Variants in TRIO observed in about 807,000 individuals in gnomAD.
TRIO encodes trio Rho guanine nucleotide exchange factor.
A neutral mutation model predicts 351.9 loss-of-function variants in TRIO; 58 were observed. That is an observed-to-expected ratio of 0.16 (90% CI 0.13 to 0.21). TRIO has a LOEUF of 0.21. Ranked by LOEUF, TRIO falls within the 10% of genes least tolerant of loss-of-function variation. The pLI is 1.00. For synonymous variants in TRIO, 1,758 were observed against 1,595.7 expected (o/e 1.10, Z -2.42); for missense variants, 3,201 against 4,027.8 (o/e 0.79, Z 5.56).
chr5:14,411,017 C>T (rs1050849407), intron 33 of TRIO, among the ~76,000 whole-genome samples: 2 of 152,192 alleles, frequency 1.3e-5, no homozygotes, highest in Non-Finnish European at 2.9e-5. Flanking sequence ...AGAAATCAAG[C>T]GCTTTCCAGA....
At chr5:14,154,146 C>G (rs1364609833) in intron 1 of TRIO, among the ~76,000 whole-genome samples, 1 of 152,108 alleles carries the variant, frequency 6.6e-6, no homozygotes, top group African/African-American at 2.4e-5. Context: ...AATCTTGGCC[C>G]TCTGTTTTCT....
In TRIO at chr5:14,482,667, G is replaced by T; in HGVS notation, c.6551G>T (p.Arg2184Ile). ...GATGCAGGACTTCTGCCTCGCTGCA[G>T]AGAGAGGCGCATCTTCCTCTTTGAG... ...DQDAGLLPRC[R>I]ERRIFLFEQI... Residue 2184 changes from arginine (R) to isoleucine (I), a missense_variant, in exon 46 of 57, where the codon AGA becomes ATA. Arg to Ile is a moderately conservative substitution (Grantham distance 97, BLOSUM62 -3). This residue lies in a region of TRIO where 1,089 missense variants were observed against 954.9 expected (regional missense o/e 1.14). Coordinates refer to ENST00000344204, the MANE Select transcript of TRIO (RefSeq NM_007118.4). 1 of 1,610,894 alleles carries T rather than the reference G, an allele frequency of 6.2e-7. No homozygotes were observed. The highest frequency in any genetic ancestry group is 1.1e-5 in the South Asian group (1 of 90,724).
At chr5:14,488,445 C>A in intron 48 of TRIO, 185 bp downstream of exon 48, 1 of 811,486 alleles carries the variant, frequency 1.2e-6, no homozygotes, top group Non-Finnish European at 1.9e-6. Flanking sequence ...CTACTCCTTG[C>A]TTTGTTCGTG....
chr5:14,481,717 A>C, intron 45 of TRIO, 99 bp downstream of exon 45: 1 of 1,152,708 alleles, frequency 8.7e-7, no homozygotes, highest in Non-Finnish European at 1.2e-6. Flanking sequence ...GATCCTTTTC[A>C]CTTGGTTTTC....
At chr5:14,376,340 T>C (rs961716287) in intron 19 of TRIO, among the ~76,000 whole-genome samples, 2 of 152,210 alleles carry the variant, frequency 1.3e-5, no homozygotes, top group African/African-American at 4.8e-5. Context: ...AGACTTAGTG[T>C]CAAAAACTCA....
intron 4 of TRIO, among the ~76,000 whole-genome samples, chr5:14,288,118 G>C (rs1284722145): frequency 6.6e-6 from 1 of 152,200 alleles, no homozygotes; most frequent in African/African-American, 2.4e-5. Context: ...TCTTCATAGA[G>C]AATAGGAAGT....
rs1753753122 is a variant in TRIO at position 14,461,058 on chromosome 5, C to T, written c.5243C>T (p.Ala1748Val). 1 of 1,582,692 alleles carries T rather than the reference C, an allele frequency of 6.3e-7. No homozygotes were observed. The highest frequency in any genetic ancestry group is 1.7e-4 in the Middle Eastern group (1 of 6,018). The change falls in exon 35 of 57, where the codon GCA becomes GTA. Residue 1748 changes from alanine (A) to valine (V), a missense_variant. This residue lies in a region of TRIO where 193 missense variants were observed against 218.8 expected (regional missense o/e 0.88). Transcript: ENST00000344204. Reference sequence around the variant, plus strand: ...TCCAGCAATGACGCCAGTCCACCCGCATCCGTGGCTTCCCTCCAGCCCCAC... The same window carrying T: ...TCCAGCAATGACGCCAGTCCACCCGTATCCGTGGCTTCCCTCCAGCCCCAC... ...SVSSNDASPPASVASLQPHMI... is the reference protein window; with the variant it reads ...SVSSNDASPPVSVASLQPHMI...
At chr5:14,241,314 TTGAA>T (rs1254485609) in intron 1 of TRIO, among the ~76,000 whole-genome samples, 6 of 152,198 alleles carry the variant, frequency 3.9e-5, no homozygotes, top group Non-Finnish European at 7.3e-5. Flanking sequence ...TAATAGGAAA[TTGAA>T]TGACACTGAT....
chr5:14,374,210 G>A lies in TRIO; in HGVS notation c.3217-19G>A. The A allele has an allele frequency of 6.2e-7, 1 of 1,604,212 alleles. No homozygotes were observed. Among genetic ancestry groups the A allele is most frequent in the South Asian group, 1.1e-5 (1 of 90,390 alleles). The stretch of plus-strand genomic sequence containing the variant: ...GTAGAAGTCAAATTAGCAACACATT[G>A]CTCTCCATTGTTTTTTAGGCTTGCA... On this transcript the variant is annotated intron_variant, in intron 18 of 56. Coordinates refer to ENST00000344204, the MANE Select transcript of TRIO (RefSeq NM_007118.4).
intron 1 of TRIO, among the ~76,000 whole-genome samples, chr5:14,147,446 G>A (rs914778882): frequency 1.3e-5 from 2 of 152,152 alleles, no homozygotes; most frequent in Non-Finnish European, 2.9e-5. Flanking sequence ...ATTTAACCTT[G>A]TGAGAGCGTG....
At chr5:14,199,024 G>T (rs1426734782) in intron 1 of TRIO, among the ~76,000 whole-genome samples, 4 of 151,866 alleles carry the variant, frequency 2.6e-5, no homozygotes, top group Non-Finnish European at 5.9e-5. Flanking sequence ...AATCACCTGA[G>T]GTCAGGAGTG....
At chr5:14,505,969 C>T (rs558203349) in intron 55 of TRIO, among the ~76,000 whole-genome samples, 2 of 152,320 alleles carry the variant, frequency 1.3e-5, no homozygotes, top group Admixed American at 1.3e-4. Context: ...CATTTCTCAC[C>T]CTGGTGTCCT....
chr5:14,265,770 T>C (rs1299125985), intron 1 of TRIO, among the ~76,000 whole-genome samples: 1 of 152,224 alleles, frequency 6.6e-6, no homozygotes, highest in East Asian at 1.9e-4. Context: ...GGGTATTAGA[T>C]AGTTGAAGTT....
chr5:14,507,510 C>A (rs1457471494), intron 56 of TRIO, among the ~76,000 whole-genome samples: 2 of 152,156 alleles, frequency 1.3e-5, no homozygotes, highest in African/African-American at 2.4e-5. Flanking sequence ...TCAGAAAGTC[C>A]CCATGAGTTT....
chr5:14,459,950 C>G (rs976106745), intron 34 of TRIO, among the ~76,000 whole-genome samples: 4 of 151,828 alleles, frequency 2.6e-5, no homozygotes, highest in Non-Finnish European at 4.4e-5. Context: ...CAGTTTCGCT[C>G]TGTCGTTCCG....
At chr5:14,428,249 TA>T (rs1750812403) in intron 34 of TRIO, among the ~76,000 whole-genome samples, 1 of 152,216 alleles carries the variant, frequency 6.6e-6, no homozygotes, top group African/African-American at 2.4e-5. Context: ...GATTCAGGTA[TA>T]TTTAGACATT....
chr5:14,402,564 G>A (rs1206880819), intron 31 of TRIO, among the ~76,000 whole-genome samples: 1 of 152,062 alleles, frequency 6.6e-6, no homozygotes, highest in Non-Finnish European at 1.5e-5. Context: ...TGTGGTGGTG[G>A]TGATGGCGGT....
chr5:14,460,903 C>G (rs886545833), intron 34 of TRIO, 116 bp from the exon 35 acceptor site: 2 of 1,266,982 alleles, frequency 1.6e-6, no homozygotes, highest in East Asian at 2.6e-5. Context: ...AGGCAAAGCC[C>G]GCTGACGAGG....
intron 3 of TRIO, among the ~76,000 whole-genome samples, chr5:14,281,425 C>CCG (rs1491572791): frequency 1.6e-4 from 5 of 31,920 alleles, no homozygotes; most frequent in African/African-American, 4.7e-4. Context: ...GCCGTTAGAA[C>CCG]CCCCCCCCCC....
Sources: gnomAD v4.1 joint callset for allele counts (sites outside exome capture counted in the v4.1 genomes callset) on GRCh38, gnomAD v4.1.1 for gene constraint, gnomAD v4.1.1 regional missense constraint, MANE v1.5 for transcripts, NCBI Gene and HGNC (gene_info 2026-07-23, HGNC 2026-07-21) for gene names.